Variants in LRRC4C observed in about 807,000 individuals in gnomAD.
The protein encoded by LRRC4C is leucine-rich repeat-containing protein 4C.
In LRRC4C, 5 loss-of-function variants were observed where a neutral mutation model predicts 33.6. That is an observed-to-expected ratio of 0.15 (90% confidence interval 0.08 to 0.31). The LOEUF (loss-of-function observed/expected upper bound fraction) is 0.31. Ranked by LOEUF, LRRC4C falls within the 10% of genes least tolerant of loss-of-function variation. The pLI is 1.00. For synonymous variants in LRRC4C, 329 were observed against 302.0 expected (o/e 1.09, Z -0.93); for missense variants, 560 against 796.7 (o/e 0.70, Z 3.58).
intron 2 of LRRC4C, among the ~76,000 whole-genome samples, chr11:40,679,757 G>C (rs1944583497): frequency 6.6e-6 from 1 of 152,184 alleles, no homozygotes; most frequent in South Asian, 2.1e-4. Flanking sequence ...GGATGCCCAG[G>C]CAAAAGTTTG....
chr11:41,363,360 T>C (rs1952423355), intron 1 of LRRC4C, among the ~76,000 whole-genome samples: 1 of 152,216 alleles, frequency 6.6e-6, no homozygotes, highest in Non-Finnish European at 1.5e-5. Flanking sequence ...ATTCTGAAAT[T>C]TGCGGATATA....
intron 1 of LRRC4C, among the ~76,000 whole-genome samples, chr11:41,236,399 A>G (rs900744427): frequency 6.6e-6 from 1 of 152,076 alleles, no homozygotes; most frequent in African/African-American, 2.4e-5. Context: ...TCATTCCAAA[A>G]TAACAGTAAC....
intron 1 of LRRC4C, among the ~76,000 whole-genome samples, chr11:41,154,716 A>G (rs1565432658): frequency 6.6e-6 from 1 of 152,204 alleles, no homozygotes; most frequent in Non-Finnish European, 1.5e-5. Context: ...GAAAGAAGAC[A>G]GCCATTATCA....
chr11:40,153,581 T>C (rs1294029628), intron 5 of LRRC4C, among the ~76,000 whole-genome samples: 1 of 34,416 alleles, frequency 2.9e-5, no homozygotes, highest in Admixed American at 4.8e-4. Flanking sequence ...ATGAAATAGA[T>C]AGCTTAAAAA....
At chr11:40,480,164 T>C (rs12276222) in intron 3 of LRRC4C, among the ~76,000 whole-genome samples, 17,117 of 152,012 alleles carry the variant, frequency 0.11, 1,071 homozygotes, top group East Asian at 0.15. Flanking sequence ...TGTTCATGTT[T>C]GAATTGGCCT....
Position 40,261,755 on chromosome 11 carries a change from A to T in LRRC4C, c.-175-20157T>A, listed in dbSNP as rs1941851683. Among the ~76,000 whole-genome samples, 3 of 152,212 alleles carry T rather than the reference A, an allele frequency of 2.0e-5. 1 individual carries two copies. Among genetic ancestry groups the T allele is most frequent in the African/African-American group, 7.2e-5 (3 of 41,454 alleles). On this transcript the variant is annotated intron_variant, in intron 4 of 6. Transcript: ENST00000528697. ...CAATGGGGAAAGGATTCCCTATTTA[A>T]TAAATGGTGTTGGGAGAACTGGCTA...
At chr11:41,408,755 A>AAAAAAAAAAAAAAAAACAAAC (rs1191106845) in intron 1 of LRRC4C, among the ~76,000 whole-genome samples, 2 of 148,014 alleles carry the variant, frequency 1.4e-5, no homozygotes, top group Admixed American at 6.6e-5. Flanking sequence ...TGTAAAAAAA[A>AAAAAAAAAAAAAAAAACAAAC]AAAAAAAAAA....
At chr11:40,373,628 C>T (rs967812055) in intron 3 of LRRC4C, among the ~76,000 whole-genome samples, 1 of 152,072 alleles carries the variant, frequency 6.6e-6, no homozygotes, top group Non-Finnish European at 1.5e-5. Context: ...GGAAGTAGGG[C>T]CTGGAGGGGA....
intron 2 of LRRC4C, among the ~76,000 whole-genome samples, chr11:40,761,551 A>G (rs1392223979): frequency 6.6e-6 from 1 of 152,154 alleles, no homozygotes; most frequent in Non-Finnish European, 1.5e-5. Flanking sequence ...ATATGGTCCT[A>G]GATCTCTTCA....
intron 1 of LRRC4C, among the ~76,000 whole-genome samples, chr11:41,449,353 G>A (rs1165289390): frequency 1.3e-5 from 2 of 152,152 alleles, no homozygotes; most frequent in South Asian, 2.1e-4. Context: ...AGGCCATCAG[G>A]CGAGAGAATA....
At chr11:41,432,982 G>C (rs1481117366) in intron 1 of LRRC4C, among the ~76,000 whole-genome samples, 1 of 152,124 alleles carries the variant, frequency 6.6e-6, no homozygotes, top group African/African-American at 2.4e-5. Context: ...ATAAAATGTT[G>C]CATAGAGACA....
chr11:40,437,807 G>A (rs547749341), intron 3 of LRRC4C, among the ~76,000 whole-genome samples: 5 of 151,732 alleles, frequency 3.3e-5, no homozygotes, highest in South Asian at 2.1e-4. Context: ...TTCCAGGTTC[G>A]AACAATTCTC....
intron 2 of LRRC4C, among the ~76,000 whole-genome samples, chr11:40,666,283 T>C (rs1275516173): frequency 6.6e-6 from 1 of 152,162 alleles, no homozygotes; most frequent in Admixed American, 6.5e-5. Flanking sequence ...TAATATTACA[T>C]ATTTTTATAG....
chr11:40,852,540 T>C (rs10742565), intron 2 of LRRC4C, among the ~76,000 whole-genome samples: 139,929 of 152,174 alleles, frequency 0.92, 64,434 homozygotes, highest in East Asian at 1. Context: ...TTGCAGGTTC[T>C]TCTTGTTTTG....
intron 2 of LRRC4C, among the ~76,000 whole-genome samples, chr11:40,759,881 T>G (rs1451747054): frequency 6.7e-6 from 1 of 150,046 alleles, no homozygotes; most frequent in Non-Finnish European, 1.5e-5. Flanking sequence ...AAAACCTATA[T>G]GCACTGAGAG....
At chr11:41,193,389 C>G (rs191524673) in intron 1 of LRRC4C, among the ~76,000 whole-genome samples, 12 of 151,952 alleles carry the variant, frequency 7.9e-5, no homozygotes, top group Non-Finnish European at 5.9e-5. Context: ...TTCTATGGGA[C>G]GAATTGTCAA....
intron 3 of LRRC4C, among the ~76,000 whole-genome samples, chr11:40,645,244 C>A (rs1480580763): frequency 1.3e-5 from 2 of 152,194 alleles, no homozygotes; most frequent in Non-Finnish European, 2.9e-5. Flanking sequence ...ATGCTATGAT[C>A]TCAGTGATCA....
chr11:40,949,219 G>C (rs969937093), intron 1 of LRRC4C, among the ~76,000 whole-genome samples: 1 of 152,014 alleles, frequency 6.6e-6, no homozygotes, highest in African/African-American at 2.4e-5. Context: ...GGGGTTGTTT[G>C]TTTTTTTCTT....
At chr11:40,309,627 T>A (rs1242983635) in intron 4 of LRRC4C, among the ~76,000 whole-genome samples, 1 of 151,436 alleles carries the variant, frequency 6.6e-6, no homozygotes, top group African/African-American at 2.4e-5. Context: ...CACCTCAACC[T>A]CCCAAGTAGC....
Sources: gnomAD v4.1 joint callset for allele counts (sites outside exome capture counted in the v4.1 genomes callset) on GRCh38, gnomAD v4.1.1 for gene constraint, MANE v1.5 for transcripts, NCBI Gene and HGNC (gene_info 2026-07-23, HGNC 2026-07-21) for gene names.